DDX10: variants seen among roughly 807,000 people sequenced by gnomAD.
The protein encoded by DDX10 is probable ATP-dependent RNA helicase DDX10.
Under a neutral mutation model 104.3 loss-of-function variants are expected in DDX10, and 74 were observed. The ratio of observed to expected loss-of-function variants is 0.71; its 90% CI spans 0.59 to 0.86. The LOEUF (loss-of-function observed/expected upper bound fraction) is 0.86, where lower values mean the gene tolerates loss of function less well. Ranked by LOEUF, DDX10 falls within the 40% of genes least tolerant of loss-of-function variation. The pLI is 0.00. For synonymous variants in DDX10, 351 were observed against 353.4 expected, an observed-to-expected ratio of 0.99 and a Z score of 0.08; for missense variants, 952 against 1,040.0, an observed-to-expected ratio of 0.92 and a Z score of 1.16.
At chr11:108,700,796 T>C (rs1288549993) in intron 9 of DDX10, among the ~76,000 whole-genome samples, 1 of 152,150 alleles carries the variant, frequency 6.6e-6, no homozygotes, top group African/African-American at 2.4e-5. Context: ...TTCCTGGAAG[T>C]ATAATTTTAG....
At chr11:108,801,972 T>C (rs1182587769) in intron 13 of DDX10, among the ~76,000 whole-genome samples, 1 of 148,212 alleles carries the variant, frequency 6.7e-6, no homozygotes, top group African/African-American at 2.5e-5. Flanking sequence ...TTTAAAAAAG[T>C]GGGGGGAGGG....
chr11:108,724,814 G>A (rs978043722), intron 13 of DDX10, among the ~76,000 whole-genome samples: 12 of 152,174 alleles, frequency 7.9e-5, no homozygotes, highest in Non-Finnish European at 1.6e-4. Context: ...TTTGAAAAAT[G>A]TATATAGCAA....
At chr11:108,672,288 C>G (rs549030727) in intron 1 of DDX10, among the ~76,000 whole-genome samples, 1 of 152,230 alleles carries the variant, frequency 6.6e-6, no homozygotes, top group Admixed American at 6.5e-5. Context: ...CTGCCTCCTT[C>G]TGTAGGCATT....
At chr11:108,803,598 A>AAAAAAAAAAAAG (rs1555027136) in intron 13 of DDX10, among the ~76,000 whole-genome samples, 4 of 138,654 alleles carry the variant, frequency 2.9e-5, no homozygotes, top group South Asian at 2.2e-4. Flanking sequence ...AAAAAAAAAA[A>AAAAAAAAAAAAG]AAAAGAAAAA....
At chr11:108,857,473 A>T (rs902641451) in intron 16 of DDX10, among the ~76,000 whole-genome samples, 1 of 152,136 alleles carries the variant, frequency 6.6e-6, no homozygotes, top group Non-Finnish European at 1.5e-5. Flanking sequence ...TCCCCTGTCT[A>T]GAGCACCGCC....
chr11:108,886,157 C>G (rs1228936979), intron 16 of DDX10, among the ~76,000 whole-genome samples: 1 of 152,158 alleles, frequency 6.6e-6, no homozygotes, highest in Admixed American at 6.5e-5. Flanking sequence ...GTATATGATT[C>G]ATTCTCCTCT....
At chr11:108,878,093 A>G (rs1863176797) in intron 16 of DDX10, among the ~76,000 whole-genome samples, 1 of 152,226 alleles carries the variant, frequency 6.6e-6, no homozygotes, top group Admixed American at 6.5e-5. Flanking sequence ...TTCATGACAA[A>G]ATACCAAATT....
chr11:108,870,996 G>A (rs1863074137), intron 16 of DDX10, among the ~76,000 whole-genome samples: 1 of 152,176 alleles, frequency 6.6e-6, no homozygotes, highest in South Asian at 2.1e-4. Context: ...TAACTCTAGG[G>A]ATGTTTCAGA....
chr11:108,715,446 TC>T (rs1338425906), intron 10 of DDX10, among the ~76,000 whole-genome samples: 2 of 152,126 alleles, frequency 1.3e-5, no homozygotes, highest in African/African-American at 2.4e-5. Context: ...GTCACTTGAG[TC>T]CAGGGGTTCA....
chr11:108,738,967 C>T (rs2094321687), intron 13 of DDX10, among the ~76,000 whole-genome samples: 1 of 152,138 alleles, frequency 6.6e-6, no homozygotes, highest in Non-Finnish European at 1.5e-5. Flanking sequence ...AAAGCTCAAG[C>T]TTAGGAGACC....
In DDX10 at chr11:108,841,390, A is replaced by G; in HGVS notation, c.2161A>G (p.Asn721Asp). 1 of 1,613,972 alleles carries G rather than the reference A, an allele frequency of 6.2e-7. No individual in the cohort carries two copies. The highest frequency in any genetic ancestry group is 8.5e-7 in the Non-Finnish European group (1 of 1,179,888). ...AEEDDDTGGI[N>D]LHKAKERLQE... ...GGAAGATGATGACACAGGTGGTATCAACTTACATAAAGCAAAGGAAAGACT... is the reference window on the plus strand; with the variant it reads ...GGAAGATGATGACACAGGTGGTATCGACTTACATAAAGCAAAGGAAAGACT... The change falls in exon 15 of 18, where the codon AAC becomes GAC. Residue 721 changes from asparagine (N) to aspartate (D), a missense_variant. Physicochemically the swap from Asn to Asp is conservative, Grantham distance 23 (BLOSUM62 1). Coordinates refer to ENST00000322536, the MANE Select transcript of DDX10 (RefSeq NM_004398.4).
chr11:108,733,106 C>G (rs892020499), intron 13 of DDX10, among the ~76,000 whole-genome samples: 2 of 149,958 alleles, frequency 1.3e-5, no homozygotes, highest in African/African-American at 4.9e-5. Flanking sequence ...TGATTTAGTC[C>G]TACTTTTTTT....
At chr11:108,735,561 C>T (rs574402491) in intron 13 of DDX10, among the ~76,000 whole-genome samples, 1 of 152,122 alleles carries the variant, frequency 6.6e-6, no homozygotes, top group Non-Finnish European at 1.5e-5. Flanking sequence ...AGGTTTTAAG[C>T]ATTGAAAATA....
chr11:108,730,162 A>G (rs1266821012), intron 13 of DDX10: 1 of 152,228 alleles, frequency 6.6e-6, no homozygotes, highest in Non-Finnish European at 1.5e-5. Context: ...GAACAATAGG[A>G]TGTATTTCAG....
chr11:108,809,945 A>T (rs943705610), intron 13 of DDX10, among the ~76,000 whole-genome samples: 1 of 152,208 alleles, frequency 6.6e-6, no homozygotes, highest in African/African-American at 2.4e-5. Flanking sequence ...AAACATGTTT[A>T]AAAAAGCTAC....
Position 108,668,263 on chromosome 11 carries a change from C to T in DDX10, c.186+2924C>T, listed in dbSNP as rs558937858. ...AAATAATTTGTGTAAGGTTAAACAGCTAAGAAGTGAAAAAGGAGTTCTAAG... is the reference window on the plus strand; with the variant it reads ...AAATAATTTGTGTAAGGTTAAACAGTTAAGAAGTGAAAAAGGAGTTCTAAG... On this transcript the variant is annotated intron_variant, in intron 1 of 17. Transcript: ENST00000322536. 9.8e-5 allele frequency among the ~76,000 whole-genome samples: 15 copies of T among 152,294 alleles called. No individual in the cohort carries two copies. In the South Asian group the frequency reaches 2.9e-3, roughly 29 times the overall value.
intron 12 of DDX10, among the ~76,000 whole-genome samples, chr11:108,720,385 C>T (rs144422848): frequency 2.0e-5 from 3 of 152,268 alleles, no homozygotes; most frequent in African/African-American, 7.2e-5. Flanking sequence ...TTACCATAGA[C>T]ATTTTATGCT....
intron 13 of DDX10, among the ~76,000 whole-genome samples, chr11:108,794,873 C>A (rs552227771): frequency 3.8e-4 from 52 of 137,704 alleles, no homozygotes; most frequent in Non-Finnish European, 6.4e-4. Context: ...GTTGCCCAGG[C>A]TGGAGTGCAG....
intron 13 of DDX10, among the ~76,000 whole-genome samples, chr11:108,739,344 T>A (rs1011568684): frequency 1.3e-5 from 2 of 152,244 alleles, no homozygotes; most frequent in Non-Finnish European, 2.9e-5. Context: ...TTTTGTTTGA[T>A]AAGACCCTAA....
Sources: allele counts gnomAD v4.1 joint callset (sites outside exome capture counted in the v4.1 genomes callset), GRCh38; gene constraint gnomAD v4.1.1; transcripts MANE v1.5; gene names NCBI Gene and HGNC (gene_info 2026-07-23, HGNC 2026-07-21).